COMT: variants seen among roughly 807,000 people sequenced by gnomAD.
COMT encodes catechol-O-methyltransferase.
Under a neutral mutation model 18.9 loss-of-function variants are expected in COMT, and 13 were observed. The observed-to-expected ratio is 0.69, with a 90% CI of 0.45 to 1.09. The LOEUF is 1.09. Ranked by LOEUF, COMT falls within the 50% of genes least tolerant of loss-of-function variation. The probability of loss-of-function intolerance (pLI) is 0.00; values close to 1 mark genes in which losing one functional copy is unlikely to be tolerated. For missense variants in COMT, 329 were observed against 361.8 expected, an observed-to-expected ratio of 0.91 and a Z score of 0.73; for synonymous variants, 150 against 160.9, an observed-to-expected ratio of 0.93 and a Z score of 0.51.
rs933011231 is a variant in COMT at position 19,967,633 on chromosome 22, C to T, written c.616-903C>T. 24 of 313,980 alleles carry T rather than the reference C, an allele frequency of 7.6e-5. 1 individual carries two copies. The Middle Eastern group carries it at 6.4e-3, about 84-fold the overall frequency. 19.4% of individuals were successfully genotyped at this position (313,980 alleles called of 1,614,324 possible). ...GGCCCATCCCAGAGGCATGTGGGGT[C>T]GGATACCAGTGTTTCAAGGCACCTG... On this transcript the variant is annotated intron_variant, in intron 5 of 5. Transcript: ENST00000361682.
Position 19,964,197 on chromosome 22 carries a change from C to T in COMT, c.513C>T (p.Asp171=), listed in dbSNP as rs1601530433. 4 of 1,614,160 alleles carry T rather than the reference C, an allele frequency of 2.5e-6. No homozygotes were observed. The highest frequency in any genetic ancestry group is 2.2e-5 in the South Asian group (2 of 91,090). ...CCCTTGTGGTTGGAGCGTCCCAGGA[C>T]ATCATCCCCCAGCTGAAGAAGAAGT... The part of the protein sequence containing the change: ...KVTLVVGASQ[D]IIPQLKKKYD... Residue 171 remains aspartate (D), a synonymous_variant, in exon 5 of 6, where the codon GAC becomes GAT. Transcript: ENST00000361682.
intron 5 of COMT, chr22:19,967,684 T>C (rs892954139): frequency 3.6e-6 from 1 of 278,920 alleles, no homozygotes; most frequent in Non-Finnish European, 7.1e-6. Flanking sequence ...TATTATACTT[T>C]AGATGTTTGA....
intron 5 of COMT, chr22:19,966,846 T>C (rs1239091595): frequency 1.3e-6 from 1 of 759,822 alleles, no homozygotes; most frequent in Non-Finnish European, 1.6e-6. Context: ...GCTCCAACTC[T>C]TGAAGGGAGG....
At position 19,968,749 on chromosome 22, in the gene COMT, C is replaced by A. The variant is rs754031677; in HGVS notation, c.*13C>A. On this transcript the variant is annotated 3_prime_UTR_variant, in exon 6 of 6. Coordinates refer to ENST00000361682, the MANE Select transcript of COMT (RefSeq NM_000754.4). ...AGCAGGGCCCTGACTGCCCCCCCGGCCCCCCTCTCGGGCTCTCTCACCCAG... is the reference window on the plus strand; with the variant it reads ...AGCAGGGCCCTGACTGCCCCCCCGGACCCCCTCTCGGGCTCTCTCACCCAG... The A allele has an allele frequency of 1.1e-5, 18 of 1,577,212 alleles. No homozygotes were observed. In the Admixed American group the frequency reaches 2.9e-4, roughly 25 times the overall value.
chr22:19,951,398 C>T, intron 1 of COMT: 1 of 151,048 alleles, frequency 6.6e-6, no homozygotes, highest in East Asian at 1.9e-4. Context: ...CTTAGCGCCT[C>T]AGAGCCTTAC....
At chr22:19,958,847 G>C (rs561792361) in intron 1 of COMT, among the ~76,000 whole-genome samples, 1 of 151,702 alleles carries the variant, frequency 6.6e-6, no homozygotes, top group East Asian at 2.0e-4. Context: ...AGCTGCGACC[G>C]CGCCACTGCA....
chr22:19,946,285 G>A (rs538254855), intron 1 of COMT, among the ~76,000 whole-genome samples: 1 of 152,164 alleles, frequency 6.6e-6, no homozygotes, highest in East Asian at 1.9e-4. Context: ...TCAGGAGTTC[G>A]AGACCAGCTT....
intron 1 of COMT, among the ~76,000 whole-genome samples, chr22:19,956,137 C>CTTTTTTTTTTTTTTTTTTTTTT (rs71186638): frequency 4.1e-4 from 35 of 84,826 alleles, no homozygotes; most frequent in African/African-American, 6.3e-4. Flanking sequence ...TTCTTTTTTT[C>CTTTTTTTTTTTTTTTTTTTTTT]TTTTTTTTTT....
At position 19,968,891 on chromosome 22, in the gene COMT, A is replaced by G; in HGVS notation, c.*155A>G. The G allele has an allele frequency of 3.0e-6, 2 of 668,810 alleles. No homozygotes were observed. The highest frequency in any genetic ancestry group is 1.7e-5 in the South Asian group (1 of 59,382). 41.4% of individuals were successfully genotyped at this position (668,810 alleles called of 1,614,324 possible). On this transcript the variant is annotated 3_prime_UTR_variant, in exon 6 of 6. Transcript: ENST00000361682. ...CGCCCTGACATGCTAACCTCTCTGA[A>G]CTGCAACACTGGATTGTTCTTTTTT...
intron 1 of COMT, among the ~76,000 whole-genome samples, chr22:19,951,826 A>G (rs554787880): frequency 6.6e-6 from 1 of 152,316 alleles, no homozygotes; most frequent in Admixed American, 6.5e-5. Context: ...AGCCTTGGGA[A>G]ACCAATCTGG....
At chr22:19,955,103 C>T (rs1434588921) in intron 1 of COMT, among the ~76,000 whole-genome samples, 1 of 152,194 alleles carries the variant, frequency 6.6e-6, no homozygotes, top group African/African-American at 2.4e-5. Context: ...CTCCTGGGCC[C>T]AAGCAATCCT....
intron 5 of COMT, among the ~76,000 whole-genome samples, chr22:19,966,092 T>C (rs1488520577): frequency 1.3e-5 from 2 of 152,212 alleles, no homozygotes; most frequent in Admixed American, 1.3e-4. Flanking sequence ...AACTAATAGT[T>C]TTCTCAGTGC....
At chr22:19,968,169 C>T (rs9332377) in intron 5 of COMT, among the ~76,000 whole-genome samples, 30,679 of 152,166 alleles carry the variant, frequency 0.2, 3,830 homozygotes, top group African/African-American at 0.35. Flanking sequence ...GTGCCTCTCC[C>T]TCATAGGCCT....
At chr22:19,948,503 T>C (rs1329737078) in intron 1 of COMT, among the ~76,000 whole-genome samples, 1 of 151,838 alleles carries the variant, frequency 6.6e-6, no homozygotes, top group Admixed American at 6.6e-5. Context: ...AAACAAAAAG[T>C]TGAAAAATTA....
At chr22:19,943,671 AT>A (rs752860451) in intron 1 of COMT, among the ~76,000 whole-genome samples, 8 of 152,048 alleles carry the variant, frequency 5.3e-5, no homozygotes, top group Non-Finnish European at 1.2e-4. Flanking sequence ...AAATAAAAAA[AT>A]AAAAAGAAAG....
chr22:19,958,608 C>A (rs1274862649), intron 1 of COMT, among the ~76,000 whole-genome samples: 3 of 143,142 alleles, frequency 2.1e-5, no homozygotes, highest in Non-Finnish European at 3.0e-5. Context: ...CAGCTGGGCA[C>A]GGTGGCTCAT....
chr22:19,944,342 T>C (rs1056209633), intron 1 of COMT, among the ~76,000 whole-genome samples: 3 of 150,768 alleles, frequency 2.0e-5, no homozygotes, highest in African/African-American at 7.4e-5. Flanking sequence ...AGTCCAGAAG[T>C]TCGAGACCAG....
chr22:19,951,958 G>C (rs1334991495), intron 1 of COMT, among the ~76,000 whole-genome samples: 1 of 152,164 alleles, frequency 6.6e-6, no homozygotes, highest in East Asian at 1.9e-4. Context: ...GACTTTCTCA[G>C]GCAGGCGCTT....
intron 1 of COMT, among the ~76,000 whole-genome samples, chr22:19,955,019 G>A (rs1942028629): frequency 6.6e-6 from 1 of 152,130 alleles, no homozygotes; most frequent in South Asian, 2.1e-4. Context: ...TTTTATTGTG[G>A]TGTTGTTTTA....
Sources: allele counts gnomAD v4.1 joint callset (sites outside exome capture counted in the v4.1 genomes callset), GRCh38; gene constraint gnomAD v4.1.1; transcripts MANE v1.5; gene names NCBI Gene and HGNC (gene_info 2026-07-23, HGNC 2026-07-21).